The following GLIS1 variants were observed in gnomAD, a reference collection of about 807,000 sequenced individuals.
The protein encoded by GLIS1 is zinc finger protein GLIS1.
In GLIS1, 24 loss-of-function variants were observed where a neutral mutation model predicts 63.8. That is an observed-to-expected ratio of 0.38 (90% CI 0.27 to 0.53). The LOEUF (loss-of-function observed/expected upper bound fraction) is 0.53. Among genes scored for constraint, GLIS1 ranks in the 20% least tolerant of loss-of-function variants. The pLI, the probability that GLIS1 is intolerant of heterozygous loss-of-function variation, is 0.85. For synonymous variants in GLIS1, 450 were observed against 482.5 expected (o/e 0.93, Z 0.88); for missense variants, 1,036 against 1,074.1 (o/e 0.96, Z 0.50).
intron 4 of GLIS1, among the ~76,000 whole-genome samples, chr1:53,530,298 G>T (rs1305970454): frequency 6.6e-6 from 1 of 152,234 alleles, no homozygotes; most frequent in Admixed American, 6.5e-5. Flanking sequence ...CAGGGCAGGG[G>T]TGTGTCCCAG....
At chr1:53,665,951 A>T (rs1646086858) in intron 2 of GLIS1, among the ~76,000 whole-genome samples, 1 of 152,216 alleles carries the variant, frequency 6.6e-6, no homozygotes, top group Non-Finnish European at 1.5e-5. Flanking sequence ...AAAGGAGAAC[A>T]GGGAAAGAGA....
intron 3 of GLIS1, among the ~76,000 whole-genome samples, chr1:53,597,202 A>C (rs1442132934): frequency 8.8e-5 from 13 of 147,444 alleles, no homozygotes; most frequent in East Asian, 3.9e-4. Flanking sequence ...AAAAAAAAAA[A>C]AAAAAAAAAC....
intron 3 of GLIS1, among the ~76,000 whole-genome samples, chr1:53,599,874 C>T (rs556456870): frequency 1.3e-5 from 2 of 152,378 alleles, no homozygotes; most frequent in East Asian, 3.9e-4. Flanking sequence ...TGAAAAGCTT[C>T]GTCTGCTTGT....
chr1:53,693,102 C>A (rs1203343292), intron 2 of GLIS1, among the ~76,000 whole-genome samples: 1 of 152,198 alleles, frequency 6.6e-6, no homozygotes, highest in African/African-American at 2.4e-5. Context: ...AGAAGCAGGG[C>A]AAAGTACATT....
intron 2 of GLIS1, among the ~76,000 whole-genome samples, chr1:53,700,505 AAATGCATGGCCTCTGCTCG>A (rs1276195850): frequency 6.6e-5 from 10 of 151,660 alleles, no homozygotes; most frequent in Non-Finnish European, 1.5e-5. Flanking sequence ...CTGCTCGTGT[AAATGCATGGCCTCTGCTCG>A]TGTAAATGCA....
intron 2 of GLIS1, among the ~76,000 whole-genome samples, chr1:53,655,240 G>T (rs1370189375): frequency 1.3e-5 from 2 of 152,194 alleles, no homozygotes; most frequent in East Asian, 1.9e-4. Flanking sequence ...CCCCCAGAGG[G>T]TGAGGAATCT....
intron 4 of GLIS1, among the ~76,000 whole-genome samples, chr1:53,584,010 G>A (rs1342951112): frequency 6.6e-6 from 1 of 152,188 alleles, no homozygotes; most frequent in Non-Finnish European, 1.5e-5. Context: ...CCTGGCCCAC[G>A]GGTGCCCAGG....
intron 4 of GLIS1, among the ~76,000 whole-genome samples, chr1:53,531,390 A>G (rs1296736339): frequency 6.6e-6 from 1 of 152,150 alleles, no homozygotes; most frequent in Non-Finnish European, 1.5e-5. Context: ...TGCTCTTCAC[A>G]TCCTTTCTCT....
intron 8 of GLIS1, among the ~76,000 whole-genome samples, chr1:53,513,751 A>AC (rs1409805453): frequency 2.0e-5 from 3 of 152,180 alleles, no homozygotes; most frequent in African/African-American, 7.2e-5. Context: ...ATAATTGAAC[A>AC]CCGAATGAAT....
intron 8 of GLIS1, 56 bp downstream of exon 8, chr1:53,514,569 T>TC (rs1292746843): frequency 1.0e-5 from 16 of 1,562,722 alleles, no homozygotes; most frequent in East Asian, 2.3e-5. Flanking sequence ...TCTCCCTGCC[T>TC]CCCCCCGAGA....
At chr1:53,695,660 G>A (rs905608124) in intron 2 of GLIS1, among the ~76,000 whole-genome samples, 9 of 152,200 alleles carry the variant, frequency 5.9e-5, no homozygotes, top group Non-Finnish European at 5.9e-5. Context: ...CAGGAGGGGC[G>A]CGGGGTGGTA....
At chr1:53,681,012 G>C (rs1386899441) in intron 2 of GLIS1, among the ~76,000 whole-genome samples, 1 of 152,218 alleles carries the variant, frequency 6.6e-6, no homozygotes, top group African/African-American at 2.4e-5. Flanking sequence ...GACACAGCTG[G>C]GTCAATGTTT....
chr1:53,660,277 T>G (rs1348524029), intron 2 of GLIS1, among the ~76,000 whole-genome samples: 1 of 152,158 alleles, frequency 6.6e-6, no homozygotes, highest in Admixed American at 6.5e-5. Context: ...CATGCCTCCC[T>G]TGCCCCAGCC....
At chr1:53,556,427 GTGCAGGTGTACTGCAGGTGTGTGTA>G (rs1644828157) in intron 4 of GLIS1, among the ~76,000 whole-genome samples, 2 of 145,704 alleles carry the variant, frequency 1.4e-5, no homozygotes. Context: ...AGGTATGTGT[GTGCAGGTGTACTGCAGGTGTGTGTA>G]TGCAGGTGTA....
intron 7 of GLIS1, 27 bp from the exon 8 acceptor site, chr1:53,514,808 G>A: frequency 6.4e-7 from 1 of 1,557,382 alleles, no homozygotes; most frequent in African/African-American, 1.4e-5. Context: ...AAGGCTCACT[G>A]GACTCTGGCC....
intron 4 of GLIS1, among the ~76,000 whole-genome samples, chr1:53,531,929 C>T (rs948232067): frequency 2.6e-5 from 4 of 152,138 alleles, no homozygotes; most frequent in African/African-American, 7.2e-5. Context: ...AGTGGGGTGA[C>T]GCACACTGAA....
intron 2 of GLIS1, among the ~76,000 whole-genome samples, chr1:53,685,463 A>G (rs1025636915): frequency 2.0e-5 from 3 of 152,190 alleles, no homozygotes; most frequent in Admixed American, 6.5e-5. Flanking sequence ...GCAATGTTTA[A>G]TCAGAGCCTA....
Position 53,560,152 on chromosome 1 carries a change from G to A in GLIS1, c.1321-30200C>T, listed in dbSNP as rs1644871301. Among the ~76,000 whole-genome samples, 1 of 152,242 alleles carries A rather than the reference G, an allele frequency of 6.6e-6. No homozygotes were observed. The highest frequency in any genetic ancestry group is 2.4e-5 in the African/African-American group (1 of 41,460). On this transcript the variant is annotated intron_variant, in intron 4 of 10. Coordinates refer to ENST00000628545, the MANE Select transcript of GLIS1 (RefSeq NM_001367484.1). The surrounding 1 kb of genome is among the most constrained non-coding windows in gnomAD (Gnocchi z 4.4). ...CAGGACTCTGCTGTGGGCAGGGACT[G>A]CCTCCTTGATGAAGATACAGAAATG... is the stretch of plus-strand genomic sequence containing the variant.
intron 2 of GLIS1, among the ~76,000 whole-genome samples, chr1:53,655,268 C>G (rs930901226): frequency 1.3e-5 from 2 of 152,202 alleles, no homozygotes; most frequent in Non-Finnish European, 2.9e-5. Context: ...AACCCCTTCC[C>G]TAAATGTTTC....
Sources: allele counts gnomAD v4.1 joint callset (sites outside exome capture counted in the v4.1 genomes callset), GRCh38; gene constraint gnomAD v4.1.1; non-coding constraint Gnocchi (gnomAD v3.1); transcripts MANE v1.5; gene names NCBI Gene and HGNC (gene_info 2026-07-23, HGNC 2026-07-21).